The following RTN4 variants were observed in gnomAD, a reference collection of about 807,000 sequenced individuals.
RTN4 encodes the protein reticulon 4, also known as reticulon-4.
A neutral mutation model predicts 90.4 loss-of-function variants in RTN4; 32 were observed. The observed-to-expected ratio is 0.35, with a 90% confidence interval of 0.27 to 0.48. RTN4 has a LOEUF of 0.48. RTN4 is among the 20% of genes least tolerant of loss of function. RTN4 has a pLI of 0.99. For missense variants in RTN4, 1,706 were observed against 1,430.2 expected, an observed-to-expected ratio of 1.19 and a Z score of -3.11; for synonymous variants, 629 against 552.5, an observed-to-expected ratio of 1.14 and a Z score of -1.94.
chr2:54,994,281 G>A (rs1035307859), intron 3 of RTN4, among the ~76,000 whole-genome samples: 2 of 152,062 alleles, frequency 1.3e-5, no homozygotes, highest in African/African-American at 4.8e-5. Context: ...CACAAGAAAG[G>A]AAAACTACAG....
At position 55,025,493 on chromosome 2, in the gene RTN4, T is replaced by C. The variant is rs1246995545; in HGVS notation, c.2606A>G (p.Asp869Gly). The change falls in exon 3 of 9, where the codon GAT becomes GGT. Residue 869 changes from aspartate to glycine, a missense_variant. Coordinates refer to ENST00000337526, the MANE Select transcript of RTN4 (RefSeq NM_020532.5). ...FSDSSPIEII[D>G]EFPTLISSKT... ...AGAACTGATCAATGTAGGGAACTCATCTATAATTTCAATTGGAGATGAATC... is the reference window on the plus strand; with the variant it reads ...AGAACTGATCAATGTAGGGAACTCACCTATAATTTCAATTGGAGATGAATC... 1.9e-6 allele frequency: 3 copies of C among 1,613,756 alleles called. No individual in the cohort carries two copies. Among genetic ancestry groups the C allele is most frequent in the Non-Finnish European group, 1.7e-6 (2 of 1,179,790 alleles).
chr2:55,042,672 C>T (rs528269472), intron 1 of RTN4, among the ~76,000 whole-genome samples: 57 of 152,096 alleles, frequency 3.7e-4, no homozygotes, highest in South Asian at 8.3e-4. Context: ...TAAATGCTTT[C>T]GTAAGATTTG....
intron 1 of RTN4, among the ~76,000 whole-genome samples, chr2:55,032,886 G>A (rs1017266383): frequency 1.3e-5 from 2 of 151,724 alleles, no homozygotes; most frequent in African/African-American, 2.4e-5. Flanking sequence ...AAAATTAGCC[G>A]GTGTAGTGGT....
intron 2 of RTN4, among the ~76,000 whole-genome samples, chr2:55,070,611 AC>A (rs1429530789): frequency 2.0e-5 from 3 of 151,868 alleles, no homozygotes; most frequent in African/African-American, 7.3e-5. Context: ...ATTTGCAATA[AC>A]CAAAAATGCC....
chr2:55,089,700 C>T (rs1668903744), intron 1 of RTN4, among the ~76,000 whole-genome samples: 1 of 152,238 alleles, frequency 6.6e-6, no homozygotes, highest in Non-Finnish European at 1.5e-5. Flanking sequence ...AATGCAAACA[C>T]TTGAGATACA....
chr2:54,992,740 G>A (rs1679107945), intron 3 of RTN4, among the ~76,000 whole-genome samples: 1 of 152,078 alleles, frequency 6.6e-6, no homozygotes, highest in Non-Finnish European at 1.5e-5. Context: ...AAAACAGCAT[G>A]TTACAAAAAG....
chr2:54,982,789 T>A, intron 4 of RTN4, 136 bp from the exon 5 acceptor site: 1 of 917,354 alleles, frequency 1.1e-6, no homozygotes, highest in East Asian at 2.7e-5. Flanking sequence ...TTAGGGGCAA[T>A]ATAAAAACTC....
At chr2:55,080,938 A>C (rs1411483552) in intron 1 of RTN4, among the ~76,000 whole-genome samples, 1 of 152,374 alleles carries the variant, frequency 6.6e-6, no homozygotes, top group East Asian at 1.9e-4. Flanking sequence ...TGGACTTAAA[A>C]AGGAAAAAAA....
rs777508518 is a variant in RTN4 at position 55,026,860 on chromosome 2, C to T, written c.1239G>A (p.Glu413=). The T allele has an allele frequency of 1.1e-5, 17 of 1,613,892 alleles. 1 individual carries two copies. In the South Asian group the frequency reaches 1.9e-4, roughly 18 times the overall value. ...TATCCACTTTACTTTCCAAGTTGCT[C>T]TCGATTTTACCTCCAGCAGCCAACA... is the stretch of plus-strand genomic sequence containing the variant. ...SDMLAAGGKI[E]SNLESKVDKK... is the part of the protein sequence containing the mutation. Residue 413 remains glutamate, a synonymous_variant, in exon 3 of 9, where the codon GAG becomes GAA. Transcript: ENST00000337526.
intron 3 of RTN4, among the ~76,000 whole-genome samples, chr2:54,991,816 TA>T (rs1679034410): frequency 6.6e-6 from 1 of 152,248 alleles, no homozygotes; most frequent in Admixed American, 6.5e-5. Flanking sequence ...CAGACATTAT[TA>T]AAACTTTAGG....
rs951841001 is a variant in RTN4 at position 55,034,576 on chromosome 2, G to T, written c.557-6356C>A. Among the ~76,000 whole-genome samples the T allele has an allele frequency of 2.6e-5, 4 of 152,106 alleles. No homozygotes were observed. The South Asian group carries it at 8.3e-4, about 32-fold the overall frequency. On this transcript the variant is annotated intron_variant, in intron 1 of 8. Coordinates refer to ENST00000337526, the MANE Select transcript of RTN4 (RefSeq NM_020532.5). ...CTTCAGATAAAAGCTGAAAACAGAA[G>T]CTGAAAGAATTTGTCACTAAGACAC...
chr2:55,016,841 T>C (rs1681081739), intron 3 of RTN4, among the ~76,000 whole-genome samples: 1 of 152,176 alleles, frequency 6.6e-6, no homozygotes, highest in Admixed American at 6.5e-5. Context: ...CTCAAGTAGA[T>C]TAAAACATTT....
upstream of RTN4, among the ~76,000 whole-genome samples, chr2:55,116,013 C>T (rs1558886302): frequency 6.6e-6 from 1 of 151,402 alleles, no homozygotes; most frequent in African/African-American, 2.4e-5. Context: ...TTCAACATGG[C>T]TACTGTTGTG....
In RTN4 at chr2:55,050,262, C is replaced by G; in HGVS notation, c.39G>C (p.Ser13=). The change falls in exon 1 of 9, where the codon TCG becomes TCC. Residue 13 remains serine (S), a synonymous_variant. Coordinates refer to ENST00000337526, the MANE Select transcript of RTN4 (RefSeq NM_020532.5). The surrounding 1 kb of genome is among the most constrained non-coding windows in gnomAD (Gnocchi z 4.6). ...DLDQSPLVSS[S]DSPPRPQPAF... ...CGGGCTGCGGCCGGGGTGGGCTGTC[C>G]GAGGACGAGACCAGAGGAGACTGGT... is the stretch of plus-strand genomic sequence containing the variant. The G allele has an allele frequency of 6.5e-7, 1 of 1,527,560 alleles. No individual in the cohort carries two copies. The highest frequency in any genetic ancestry group is 8.8e-7 in the Non-Finnish European group (1 of 1,138,630). 94.6% of individuals were successfully genotyped at this position (1,527,560 alleles called of 1,614,324 possible).
the RTN4 span, among the ~76,000 whole-genome samples, chr2:55,137,418 T>C: frequency 2.0e-5 from 3 of 151,930 alleles, no homozygotes; most frequent in African/African-American, 4.8e-5. Flanking sequence ...TAGGAGAACA[T>C]AGGAGTAACG....
chr2:55,123,514 G>A, the RTN4 span, among the ~76,000 whole-genome samples: 8 of 152,076 alleles, frequency 5.3e-5, no homozygotes, highest in East Asian at 1.5e-3. Context: ...TGCCAAAAAT[G>A]ACTGTCACTT....
At chr2:55,083,492 G>T (rs148361562) in intron 1 of RTN4, among the ~76,000 whole-genome samples, 2 of 151,706 alleles carry the variant, frequency 1.3e-5, no homozygotes. Context: ...GCGAGACTCC[G>T]TCTCAAAGAA....
chr2:55,047,412 T>C (rs1254459507), intron 1 of RTN4, among the ~76,000 whole-genome samples: 2 of 151,952 alleles, frequency 1.3e-5, no homozygotes, highest in African/African-American at 4.8e-5. Context: ...GTCTTTTTCA[T>C]AAAGAAAAAG....
chr2:54,998,375 G>C (rs762163516), intron 3 of RTN4, among the ~76,000 whole-genome samples: 10 of 152,128 alleles, frequency 6.6e-5, no homozygotes, highest in Non-Finnish European at 1.2e-4. Context: ...CCCCAGAGCT[G>C]AGCAGAAAGC....
Sources: gnomAD v4.1 joint callset for allele counts (sites outside exome capture counted in the v4.1 genomes callset) on GRCh38, gnomAD v4.1.1 for gene constraint, Gnocchi (gnomAD v3.1) non-coding constraint, MANE v1.5 for transcripts, NCBI Gene and HGNC (gene_info 2026-07-23, HGNC 2026-07-21) for gene names.